Variants in SYTL5 observed in about 807,000 individuals in gnomAD.
SYTL5 encodes synaptotagmin-like protein 5.
SYTL5 carries 34 observed loss-of-function variants against 55.9 expected under a neutral mutation model. That is an observed-to-expected ratio of 0.61 (90% CI 0.46 to 0.81). The LOEUF (loss-of-function observed/expected upper bound fraction) is 0.81, where lower values mean the gene tolerates loss of function less well. Among genes scored for constraint, SYTL5 ranks in the 30% least tolerant of loss-of-function variants. The pLI is 0.00. For missense variants in SYTL5, 637 were observed against 546.7 expected, an observed-to-expected ratio of 1.17 and a Z score of -1.65; for synonymous variants, 221 against 188.7, an observed-to-expected ratio of 1.17 and a Z score of -1.40.
chrX:37,986,350 G>A, the SYTL5 span, among the ~76,000 whole-genome samples: 7 of 111,065 alleles, frequency 6.3e-5, no homozygotes, highest in Non-Finnish European at 1.3e-4. Context: ...TGAGAGGGTC[G>A]TGATTGACTG....
chrX:38,010,868 C>T (rs947664512), intron 1 of SYTL5, among the ~76,000 whole-genome samples: 3 of 111,834 alleles, frequency 2.7e-5, no homozygotes, highest in Non-Finnish European at 5.6e-5. Context: ...GTTCTAAGTG[C>T]CTTAAATTTT....
At chrX:38,102,510 T>A in intron 10 of SYTL5, 76 bp downstream of exon 10, 1 of 722,836 alleles carries the variant, frequency 1.4e-6, no homozygotes, top group Non-Finnish European at 2.2e-6. Flanking sequence ...AAAGGAGATA[T>A]GAATGTTCTT....
At chrX:38,046,462 T>G (rs1359028610) in intron 2 of SYTL5, among the ~76,000 whole-genome samples, 1 of 111,418 alleles carries the variant, frequency 9.0e-6, no homozygotes, top group Non-Finnish European at 1.9e-5. Context: ...TCAGATCTCA[T>G]GAGACTTATT....
In SYTL5 at chrX:38,102,374, T is replaced by A. The variant is rs138262806; in HGVS notation, c.1095T>A (p.Asp365Glu). 7.0e-4 allele frequency: 845 copies of A among 1,207,456 alleles called. 5 individuals carry two copies. The African/African-American group carries it at 0.013, about 19-fold the overall frequency. The change falls in exon 10 of 17, where the codon GAT becomes GAA. Residue 365 changes from aspartate (D) to glutamate (E), a missense_variant. Transcript: ENST00000297875. ...DSLEETEESI[D>E]ALVSSQLSTN... ...TGGAAGAGACTGAAGAAAGCATTGA[T>A]GCCTTAGTGTCCTCGCAGTTATCTA... is the stretch of plus-strand genomic sequence containing the variant.
intron 1 of SYTL5, among the ~76,000 whole-genome samples, chrX:38,009,596 C>T (rs1602297662): frequency 1.8e-5 from 2 of 111,573 alleles, no homozygotes; most frequent in Non-Finnish European, 3.8e-5. Context: ...TCTCCCTTTT[C>T]TGTTATTTTT....
At chrX:37,901,732 T>C in the SYTL5 span, among the ~76,000 whole-genome samples, 1 of 111,774 alleles carries the variant, frequency 8.9e-6, no homozygotes, top group Non-Finnish European at 1.9e-5. Context: ...AGGCAACAAA[T>C]GAAAGAGTTG....
chrX:38,051,757 C>T (rs886882026), intron 2 of SYTL5, among the ~76,000 whole-genome samples: 3 of 111,357 alleles, frequency 2.7e-5, no homozygotes, highest in Non-Finnish European at 5.6e-5. Context: ...TCCTTTCTGT[C>T]GTCATTACCA....
chrX:38,002,928 A>T (rs1470032473), upstream of SYTL5, among the ~76,000 whole-genome samples: 1 of 111,882 alleles, frequency 8.9e-6, no homozygotes, highest in Non-Finnish European at 1.9e-5. Flanking sequence ...TGTTTTAGAC[A>T]TGAAGTCCTT....
chrX:37,931,279 T>A, the SYTL5 span, among the ~76,000 whole-genome samples: 2 of 111,926 alleles, frequency 1.8e-5, no homozygotes, highest in Non-Finnish European at 3.8e-5. Flanking sequence ...TGTAAGATTT[T>A]GTCATTGATT....
chrX:38,020,513 G>T (rs1242838413), intron 1 of SYTL5, among the ~76,000 whole-genome samples: 1 of 99,189 alleles, frequency 1.0e-5, no homozygotes, highest in Non-Finnish European at 2.0e-5. Context: ...TTTTTTCACT[G>T]CCTTTGTATT....
chrX:37,981,751 G>C, the SYTL5 span, among the ~76,000 whole-genome samples: 1 of 111,289 alleles, frequency 9.0e-6, no homozygotes, highest in African/African-American at 3.3e-5. Flanking sequence ...ATGTGATCAG[G>C]GAAAGAGAAA....
chrX:37,991,549 G>A, the SYTL5 span, among the ~76,000 whole-genome samples: 1 of 111,192 alleles, frequency 9.0e-6, no homozygotes, highest in Non-Finnish European at 1.9e-5. Context: ...TGAACAGGAA[G>A]GCCTTGTGAG....
the SYTL5 span, among the ~76,000 whole-genome samples, chrX:37,976,431 C>A: frequency 8.4e-3 from 939 of 111,130 alleles, 14 homozygotes; most frequent in African/African-American, 0.029. Context: ...GATTATTAAG[C>A]CACAGAGGCC....
In SYTL5 at chrX:38,120,485, AC is replaced by A. The variant is rs1937558848; in HGVS notation, c.1705+20del. The A allele has an allele frequency of 1.8e-6, 2 of 1,106,181 alleles. No homozygotes were observed. Among genetic ancestry groups the A allele is most frequent in the Non-Finnish European group, 2.5e-6 (2 of 800,928 alleles). The allele number at this position is 1,106,181 out of a possible 1,213,427, so 91.2% of individuals were successfully genotyped here. A position where few individuals can be genotyped will look rare whatever the true frequency, so the allele number is the denominator to read the frequency against. ...CTCCAAGGTAGAGTAAAAATCAATG[AC>A]TTTGATCAATGACATTCTGTTTCTA... is the stretch of plus-strand genomic sequence containing the variant. On this transcript the variant is annotated intron_variant, in intron 14 of 16. Transcript: ENST00000297875.
chrX:38,111,318 G>A (rs1412594625), intron 13 of SYTL5, among the ~76,000 whole-genome samples: 3 of 111,536 alleles, frequency 2.7e-5, no homozygotes, highest in Non-Finnish European at 3.8e-5. Context: ...TAATATAATC[G>A]TGGGATGTAG....
intron 7 of SYTL5, 137 bp downstream of exon 7, chrX:38,089,724 A>T: frequency 3.0e-6 from 2 of 677,625 alleles, no homozygotes; most frequent in Non-Finnish European, 2.2e-6. Context: ...GACCTCAGGA[A>T]ACTTACAATC....
At chrX:37,939,985 C>T in the SYTL5 span, among the ~76,000 whole-genome samples, 1 of 110,365 alleles carries the variant, frequency 9.1e-6, no homozygotes, top group Non-Finnish European at 1.9e-5. Context: ...GCGTGCGCCA[C>T]CATGCCCAGC....
At chrX:37,978,849 AG>A in the SYTL5 span, among the ~76,000 whole-genome samples, 3 of 111,502 alleles carry the variant, frequency 2.7e-5, no homozygotes, top group African/African-American at 9.8e-5. Flanking sequence ...CTGGCTATAA[AG>A]GGGAGAAGGT....
At chrX:37,945,514 G>A in the SYTL5 span, among the ~76,000 whole-genome samples, 2 of 111,441 alleles carry the variant, frequency 1.8e-5, no homozygotes, top group African/African-American at 3.3e-5. Context: ...GGTGGTGTTG[G>A]TTGATGATAA....
Sources: allele counts gnomAD v4.1 joint callset (sites outside exome capture counted in the v4.1 genomes callset), GRCh38; gene constraint gnomAD v4.1.1; transcripts MANE v1.5; gene names NCBI Gene and HGNC (gene_info 2026-07-23, HGNC 2026-07-21).